TPO: variants seen among roughly 807,000 people sequenced by gnomAD.
The protein encoded by TPO is thyroid peroxidase, also known as thyroid microsomal antigen.
TPO carries 78 observed loss-of-function variants against 96.9 expected under a neutral mutation model. The observed-to-expected ratio is 0.81, with a 90% CI of 0.67 to 0.97. TPO has a LOEUF of 0.97. Ranked by LOEUF, TPO falls within the 50% of genes least tolerant of loss-of-function variation. TPO has a pLI of 0.00. For synonymous variants in TPO, 547 were observed against 538.0 expected, an observed-to-expected ratio of 1.02 and a Z score of -0.23; for missense variants, 1,252 against 1,274.8, an observed-to-expected ratio of 0.98 and a Z score of 0.27.
chr2:1,488,266 G>A (rs1049590233), intron 10 of TPO, among the ~76,000 whole-genome samples: 4 of 152,088 alleles, frequency 2.6e-5, no homozygotes, highest in African/African-American at 9.7e-5. Context: ...GAGGGAGGAG[G>A]GAGTGCGCGG....
intron 1 of TPO, among the ~76,000 whole-genome samples, chr2:1,394,264 A>AT (rs1195722973): frequency 1.3e-5 from 2 of 152,192 alleles, no homozygotes; most frequent in African/African-American, 2.4e-5. Flanking sequence ...CATTTCAGCT[A>AT]TTTTTTCCTG....
chr2:1,411,127 C>T (rs556951171), upstream of TPO, among the ~76,000 whole-genome samples: 13 of 152,276 alleles, frequency 8.5e-5, no homozygotes, highest in African/African-American at 2.4e-4. Flanking sequence ...CCTGCAAACC[C>T]GCCATTCTCA....
chr2:1,466,630 G>A (rs143881147), intron 7 of TPO, among the ~76,000 whole-genome samples: 2,835 of 152,182 alleles, frequency 0.019, 96 homozygotes, highest in African/African-American at 0.066. Flanking sequence ...TATCTTTCCA[G>A]GAATTTATCC....
intron 6 of TPO, among the ~76,000 whole-genome samples, chr2:1,454,468 A>G (rs6588665): frequency 0.93 from 141,399 of 152,208 alleles, 65,756 homozygotes; most frequent in South Asian, 0.98. Context: ...GTTCCCCTAC[A>G]AAAGCCAACA....
intron 1 of TPO, among the ~76,000 whole-genome samples, chr2:1,401,164 C>T (rs1444023619): frequency 1.3e-5 from 2 of 152,146 alleles, no homozygotes; most frequent in Admixed American, 6.5e-5. Context: ...CTGTAGGCAG[C>T]GTGCACATCA....
rs28991569 is a variant in TPO at position 1,543,200 on chromosome 2, C to T, written c.*726C>T. 777 of 152,826 alleles carry T rather than the reference C, an allele frequency of 5.1e-3. 2 individuals carry two copies. Among genetic ancestry groups the T allele is most frequent in the Admixed American group, 0.015 (232 of 15,386 alleles). 9.5% of individuals were successfully genotyped at this position (152,826 alleles called of 1,614,324 possible). On this transcript the variant is annotated 3_prime_UTR_variant, in exon 17 of 17. Transcript: ENST00000329066. ...AAGGCAGTCTCGGGGGCACCGTTAG[C>T]CACGCGACCCTGTAAAGCTGCCGTC...
chr2:1,389,159 G>A (rs1421594235), intron 1 of TPO, among the ~76,000 whole-genome samples: 2 of 152,120 alleles, frequency 1.3e-5, no homozygotes, highest in African/African-American at 2.4e-5. Flanking sequence ...CTCAGGTCGG[G>A]TCTTCCTAGG....
chr2:1,509,725 G>GCCCACCCTCTTTTATCAGGGATAC (rs375563935), intron 14 of TPO, among the ~76,000 whole-genome samples: 49 of 137,696 alleles, frequency 3.6e-4, no homozygotes, highest in Admixed American at 8.0e-4. Flanking sequence ...GTCAGGCACA[G>GCCCACCCTCTTTTATCAGGGATAC]CCCACCCTCT....
intron 5 of TPO, among the ~76,000 whole-genome samples, chr2:1,436,983 G>C (rs1405929470): frequency 6.6e-6 from 1 of 152,166 alleles, no homozygotes; most frequent in South Asian, 2.1e-4. Flanking sequence ...CAACAGTGGT[G>C]ACTGCCCACC....
rs370843506 is a variant in TPO, at chr2:1,453,827, G to T, written c.612+4G>T. The T allele has an allele frequency of 3.8e-5, 62 of 1,613,574 alleles. No homozygotes were observed. Among genetic ancestry groups the T allele is most frequent in the Admixed American group, 5.0e-5 (3 of 60,006 alleles). ...CAACGGGTTCCCACTGCCCCCGGTG[G>T]GTACTCAGAACGCTACTATCCTGGA... On this transcript the variant is annotated splice_donor_region_variant and intron_variant, in intron 6 of 16. Transcript: ENST00000329066.
intron 10 of TPO, among the ~76,000 whole-genome samples, chr2:1,492,887 G>A (rs1263698205): frequency 6.6e-6 from 1 of 152,168 alleles, no homozygotes; most frequent in Admixed American, 6.5e-5. Context: ...GTGGGAGTGA[G>A]GGTCGCCCAT....
intron 8 of TPO, among the ~76,000 whole-genome samples, chr2:1,482,981 C>G (rs547264099): frequency 6.6e-6 from 1 of 152,230 alleles, no homozygotes; most frequent in Non-Finnish European, 1.5e-5. Flanking sequence ...GCGCCTGACT[C>G]AAGATTCAAG....
chr2:1,477,163 G>T lies in TPO; in HGVS notation c.897G>T (p.Gly299=). 1 of 1,610,020 alleles carries T rather than the reference G, an allele frequency of 6.2e-7. No individual in the cohort carries two copies. The highest frequency in any genetic ancestry group is 8.5e-7 in the Non-Finnish European group (1 of 1,179,056). ...GCTCTTCGGCCGCCTGCGGCACCGG[G>T]GACCAAGGCGCGCTCTTTGGGAACC... ...FYRSSAACGT[G]DQGALFGNLS... is the part of the protein sequence containing the mutation. Residue 299 remains glycine (G), a synonymous_variant, in exon 8 of 17, where the codon GGG becomes GGT. Coordinates refer to ENST00000329066, the MANE Select transcript of TPO (RefSeq NM_001206744.2).
chr2:1,528,784 TGCAACCTCCTCCAATCCCCCCACTGTGA>T (rs1558416978), intron 15 of TPO, among the ~76,000 whole-genome samples: 3 of 95,292 alleles, frequency 3.1e-5, no homozygotes, highest in African/African-American at 4.7e-5. Context: ...CCCCACTGTG[TGCAACCTCCTCCAATCCCCCCACTGTGA>T]GCAACCTCCC....
intron 1 of TPO, among the ~76,000 whole-genome samples, chr2:1,401,487 A>AT (rs1553292957): frequency 7.2e-5 from 11 of 152,034 alleles, no homozygotes; most frequent in Non-Finnish European, 1.6e-4. Context: ...CCAGCCCTGG[A>AT]GCCTTCCCAG....
At chr2:1,461,950 C>A (rs945252253) in intron 7 of TPO, among the ~76,000 whole-genome samples, 4 of 152,202 alleles carry the variant, frequency 2.6e-5, no homozygotes, top group African/African-American at 9.6e-5. Context: ...TCCTTCGGGG[C>A]TCCCTACTGG....
intron 3 of TPO, among the ~76,000 whole-genome samples, chr2:1,426,716 T>C (rs931443036): frequency 6.6e-5 from 10 of 152,246 alleles, no homozygotes. Context: ...CATTTAGGGA[T>C]GAATTTATTA....
At chr2:1,391,532 T>C (rs1662000562) in intron 1 of TPO, among the ~76,000 whole-genome samples, 1 of 152,182 alleles carries the variant, frequency 6.6e-6, no homozygotes, top group South Asian at 2.1e-4. Flanking sequence ...TTTAAAGTAG[T>C]TTTTTCCAAT....
intron 5 of TPO, among the ~76,000 whole-genome samples, chr2:1,446,937 C>T (rs977224622): frequency 1.1e-4 from 17 of 151,952 alleles, no homozygotes; most frequent in African/African-American, 4.1e-4. Flanking sequence ...GATCTGTGAC[C>T]CATCTCATTT....
Sources: gnomAD v4.1 joint callset for allele counts (sites outside exome capture counted in the v4.1 genomes callset) on GRCh38, gnomAD v4.1.1 for gene constraint, MANE v1.5 for transcripts, NCBI Gene and HGNC (gene_info 2026-07-23, HGNC 2026-07-21) for gene names.